The following IPO5 variants were observed in gnomAD, a reference collection of about 807,000 sequenced individuals.
IPO5 encodes importin 5.
A neutral mutation model predicts 143.3 loss-of-function variants in IPO5; 18 were observed. The observed-to-expected ratio is 0.13, with a 90% confidence interval of 0.09 to 0.19. IPO5 has a LOEUF of 0.19. Ranked by LOEUF, IPO5 falls within the 10% of genes least tolerant of loss-of-function variation. IPO5 has a pLI of 1.00. For missense variants in IPO5, 1,013 were observed against 1,336.9 expected, an observed-to-expected ratio of 0.76 and a Z score of 3.78; for synonymous variants, 477 against 465.7, an observed-to-expected ratio of 1.02 and a Z score of -0.31.
intron 2 of IPO5, among the ~76,000 whole-genome samples, chr13:97,963,686 T>G (rs770753910): frequency 6.6e-6 from 1 of 152,152 alleles, no homozygotes; most frequent in African/African-American, 2.4e-5. Flanking sequence ...AGCTTTATAG[T>G]AAGCCTTGAA....
chr13:98,004,330 T>C (rs60893335), intron 16 of IPO5, among the ~76,000 whole-genome samples: 2,051 of 152,262 alleles, frequency 0.013, 33 homozygotes, highest in Admixed American at 0.036. Context: ...AGAGGACTTA[T>C]AAACAAAGGC....
At chr13:97,983,962 CTTCT>C (rs1566490097) in intron 5 of IPO5, among the ~76,000 whole-genome samples, 11 of 74,674 alleles carry the variant, frequency 1.5e-4, no homozygotes, top group Middle Eastern at 0.012. Flanking sequence ...TATAGGGTAA[CTTCT>C]TTTTTTTTTT....
In IPO5 at chr13:98,009,948, T is replaced by G. The variant is rs1320486708; in HGVS notation, c.1868T>G (p.Leu623Arg). 6.2e-7 allele frequency: 1 copy of G among 1,614,080 alleles called. No homozygotes were observed. The highest frequency in any genetic ancestry group is 1.7e-5 in the Admixed American group (1 of 60,028). Residue 623 changes from leucine (L) to arginine (R), a missense_variant, in exon 19 of 29, where the codon CTT (leucine) becomes CGT (arginine). Physicochemically the swap from Leu to Arg is moderately radical, Grantham distance 102. This residue lies in a region of IPO5 where 685 missense variants were observed against 994.9 expected (regional missense o/e 0.69). Transcript: ENST00000651721. ...CTTGGAAAAGAATTTCAGCAATACC[T>G]TCCAGTGGTTATGGGGCCTTTAATG... The part of the protein sequence containing the change: ...KILGKEFQQY[L>R]PVVMGPLMKT...
chr13:98,009,783 T>C (rs2139818417), intron 18 of IPO5, 98 bp from the exon 19 acceptor site: 2 of 903,442 alleles, frequency 2.2e-6, no homozygotes, highest in South Asian at 1.7e-5. Flanking sequence ...TGTGAACATA[T>C]CAATAAAACA....
Position 98,002,864 on chromosome 13 carries a change from G to T in IPO5, c.1324G>T (p.Val442Leu). ...GTGCCCATTTGGTTTCATTTCACAG[G>T]TGATTGCAGCTCTGCTGCAGACCAT... is the stretch of plus-strand genomic sequence containing the variant. Reference protein sequence around the residue: ...PGFQKKFHEKVIAALLQTMED... With the variant: ...PGFQKKFHEKLIAALLQTMED... Residue 442 changes from valine (V) to leucine (L), a missense_variant and splice_region_variant, in exon 16 of 29, where the codon GTG becomes TTG. Transcript: ENST00000651721. 1 of 1,609,484 alleles carries T rather than the reference G, an allele frequency of 6.2e-7. No homozygotes were observed. Among genetic ancestry groups the T allele is most frequent in the Non-Finnish European group, 8.5e-7 (1 of 1,178,116 alleles).
rs1890069069 is a variant in IPO5, at chr13:98,015,520, A to T, written c.2326-10A>T. 9 of 1,515,592 alleles carry T rather than the reference A, an allele frequency of 5.9e-6. No individual in the cohort carries two copies. Among genetic ancestry groups the T allele is most frequent in the Middle Eastern group, 1.8e-4 (1 of 5,438 alleles). 93.9% of individuals were successfully genotyped at this position (1,515,592 alleles called of 1,614,324 possible). A position where few individuals can be genotyped will look rare whatever the true frequency, so the allele number is the denominator to read the frequency against. ...TCTTATGGATTGCTTTCTTTCCTCAACCTCATTAGTGCATTGAAGTAATGG... is the reference window on the plus strand; with the variant it reads ...TCTTATGGATTGCTTTCTTTCCTCATCCTCATTAGTGCATTGAAGTAATGG... On this transcript the variant is annotated splice_polypyrimidine_tract_variant and intron_variant, in intron 22 of 28. Transcript: ENST00000651721.
intron 3 of IPO5, among the ~76,000 whole-genome samples, chr13:97,974,358 G>C (rs1158691718): frequency 1.3e-5 from 2 of 150,444 alleles, no homozygotes; most frequent in Non-Finnish European, 3.0e-5. Flanking sequence ...CCAGGCTGGA[G>C]TGCAATGGCA....
chr13:97,983,965 CTTTTTTTTTT>C lies in IPO5; in HGVS notation c.171+1404_171+1413del, dbSNP rs71117684. Among the ~76,000 whole-genome samples the C allele has an allele frequency of 2.2e-3, 100 of 45,848 alleles. 1 individual carries two copies. Among genetic ancestry groups the C allele is most frequent in the East Asian group, 0.014 (29 of 2,074 alleles). The allele number at this position is 45,848 out of a possible 152,430, so 30.1% of individuals were successfully genotyped here. ...TGAAGAACCCTATATAGGGTAACTT[CTTTTTTTTTT>C]TTTTTTTTTTTTTTTTTTTTTGAGA... On this transcript the variant is annotated intron_variant, in intron 5 of 28. Transcript: ENST00000651721.
At chr13:97,964,767 T>C (rs948135501) in intron 2 of IPO5, among the ~76,000 whole-genome samples, 4 of 152,034 alleles carry the variant, frequency 2.6e-5, no homozygotes, top group African/African-American at 9.7e-5. Flanking sequence ...CCATTTCTTA[T>C]ATAGGGACAG....
At chr13:97,980,751 T>C (rs1391626618) in intron 4 of IPO5, among the ~76,000 whole-genome samples, 5 of 148,318 alleles carry the variant, frequency 3.4e-5, no homozygotes, top group Admixed American at 2.7e-4. Context: ...CTCTTGAACC[T>C]GGGCAGCAGA....
chr13:97,991,966 C>G (rs1887841562), intron 9 of IPO5, among the ~76,000 whole-genome samples: 1 of 152,150 alleles, frequency 6.6e-6, no homozygotes, highest in African/African-American at 2.4e-5. Flanking sequence ...CAAGAAATAT[C>G]TCCTGGGTGA....
At chr13:98,001,576 C>A (rs1463395084) in intron 13 of IPO5, 3 of 152,262 alleles carry the variant, frequency 2.0e-5, no homozygotes, top group African/African-American at 7.2e-5. Flanking sequence ...CTCCCAGTTT[C>A]AAGCAATTCT....
chr13:97,986,539 A>G (rs1019384961), intron 6 of IPO5, among the ~76,000 whole-genome samples: 3 of 151,780 alleles, frequency 2.0e-5, no homozygotes, highest in African/African-American at 7.3e-5. Context: ...TTGTATTTTT[A>G]GGGTTTCTCC....
intron 1 of IPO5, 181 bp from the exon 2 acceptor site, chr13:97,953,938 A>C (rs538711318): frequency 4.4e-6 from 2 of 456,022 alleles, no homozygotes; most frequent in South Asian, 3.1e-5. Context: ...GTATGAAACA[A>C]TGACGATTTC....
At position 98,019,826 on chromosome 13, in the gene IPO5, T is replaced by G. The variant is rs1890359091; in HGVS notation, c.3065+17T>G. The G allele has an allele frequency of 6.5e-7, 1 of 1,531,014 alleles. No individual in the cohort carries two copies. The highest frequency in any genetic ancestry group is 9.0e-7 in the Non-Finnish European group (1 of 1,105,136). The allele number at this position is 1,531,014 out of a possible 1,614,324, so 94.8% of individuals were successfully genotyped here. ...GATTGAAAGGTAGGAAAGCAGACTGTGACCTTATTTCCTTCTCCTCCACAG... is the reference window on the plus strand; with the variant it reads ...GATTGAAAGGTAGGAAAGCAGACTGGGACCTTATTTCCTTCTCCTCCACAG... On this transcript the variant is annotated intron_variant, in intron 27 of 28. Transcript: ENST00000651721.
Position 98,020,972 on chromosome 13 carries a change from G to A in IPO5, c.3066-20G>A. On this transcript the variant is annotated intron_variant, in intron 27 of 28. Transcript: ENST00000651721. ...CTCCTTATAAATTTCACTTACTAAG[G>A]TTTTCTTCTCATTTGTCAGTAATCA... 2 of 1,590,380 alleles carry A rather than the reference G, an allele frequency of 1.3e-6. No individual in the cohort carries two copies. The highest frequency in any genetic ancestry group is 8.6e-7 in the Non-Finnish European group (1 of 1,166,478).
intron 17 of IPO5, among the ~76,000 whole-genome samples, chr13:98,007,161 A>G (rs572164344): frequency 1.6e-4 from 25 of 151,908 alleles, no homozygotes; most frequent in Admixed American, 1.2e-3. Flanking sequence ...TTTCATTGTT[A>G]ATATTAAGGT....
chr13:98,000,501 C>A, intron 12 of IPO5, 38 bp from the exon 13 acceptor site: 2 of 1,276,582 alleles, frequency 1.6e-6, no homozygotes, highest in Non-Finnish European at 2.3e-6. Flanking sequence ...TTTTGTGTTT[C>A]AGATATATTG....
At chr13:98,003,097 G>A (rs1888938838) in intron 16 of IPO5, 60 bp downstream of exon 16, 1 of 1,294,346 alleles carries the variant, frequency 7.7e-7, no homozygotes, top group Non-Finnish European at 1.1e-6. Context: ...TTGATTTGAT[G>A]GGTAAGAACT....
Sources: allele counts gnomAD v4.1 joint callset (sites outside exome capture counted in the v4.1 genomes callset), GRCh38; gene constraint gnomAD v4.1.1; regional missense constraint gnomAD v4.1.1; transcripts MANE v1.5; gene names NCBI Gene and HGNC (gene_info 2026-07-23, HGNC 2026-07-21).